The following SETD3 variants were observed in gnomAD, a reference collection of about 807,000 sequenced individuals.
SETD3 encodes the protein actin-histidine N-methyltransferase.
Under a neutral mutation model 63.0 loss-of-function variants are expected in SETD3, and 19 were observed. The ratio of observed to expected loss-of-function variants is 0.30; its 90% CI spans 0.21 to 0.44. The LOEUF (loss-of-function observed/expected upper bound fraction) is 0.44, where lower values mean the gene tolerates loss of function less well. SETD3 is among the 20% of genes least tolerant of loss of function. The pLI is 1.00. For missense variants in SETD3, 587 were observed against 728.5 expected (o/e 0.81, Z 2.24); for synonymous variants, 286 against 264.1 (o/e 1.08, Z -0.80).
At chr14:99,424,934 A>G (rs1374095970) in intron 6 of SETD3, among the ~76,000 whole-genome samples, 2 of 152,046 alleles carry the variant, frequency 1.3e-5, no homozygotes, top group Non-Finnish European at 1.5e-5. Context: ...ACTAACTGTT[A>G]TGGCACCTGG....
intron 1 of SETD3, among the ~76,000 whole-genome samples, chr14:99,467,729 T>TGAG (rs1895467636): frequency 6.6e-6 from 1 of 152,300 alleles, no homozygotes; most frequent in Admixed American, 6.5e-5. Context: ...GTCACTTTGA[T>TGAG]GAGGAGCTCC....
At chr14:99,483,633 G>A (rs1896411343), upstream of SETD3, among the ~76,000 whole-genome samples, 3 of 152,312 alleles carry the variant, frequency 2.0e-5, no homozygotes, top group South Asian at 6.2e-4. Context: ...TTGGACATAA[G>A]TTCATTTAAG....
upstream of SETD3, among the ~76,000 whole-genome samples, chr14:99,482,979 A>G (rs1041218611): frequency 6.6e-6 from 1 of 152,246 alleles, no homozygotes; most frequent in Non-Finnish European, 1.5e-5. Context: ...CAGAGTGATC[A>G]TATTTTTAAG....
intron 6 of SETD3, among the ~76,000 whole-genome samples, chr14:99,451,948 G>A (rs1475635132): frequency 6.6e-6 from 1 of 152,150 alleles, no homozygotes; most frequent in Non-Finnish European, 1.5e-5. Context: ...TCAAGAAGAA[G>A]ATATTTGACA....
At chr14:99,400,853 T>C (rs1342020103) in intron 11 of SETD3, among the ~76,000 whole-genome samples, 1 of 152,106 alleles carries the variant, frequency 6.6e-6, no homozygotes, top group East Asian at 1.9e-4. Context: ...AAATCTTAGT[T>C]AATGGGCCGG....
chr14:99,411,728 AAAAC>A (rs1309390467), intron 8 of SETD3: 2 of 152,384 alleles, frequency 1.3e-5, no homozygotes, highest in South Asian at 2.1e-4. Flanking sequence ...ACTCTGAAGA[AAAAC>A]AAAACAAAAA....
Position 99,398,675 on chromosome 14 carries a change from C to A in SETD3, c.*4G>T. The A allele has an allele frequency of 6.2e-7, 1 of 1,610,550 alleles. No homozygotes were observed. Among genetic ancestry groups the A allele is most frequent in the Non-Finnish European group, 8.5e-7 (1 of 1,177,228 alleles). ...CTGGATCCCCCATCCAGCTTCACCT[C>A]GAGCTACTCCTTAACTCCAGCAGTG... On this transcript the variant is annotated 3_prime_UTR_variant, in exon 13 of 13. Coordinates refer to ENST00000331768, the MANE Select transcript of SETD3 (RefSeq NM_032233.3).
chr14:99,439,073 A>T (rs1228897865), intron 6 of SETD3, among the ~76,000 whole-genome samples: 1 of 152,202 alleles, frequency 6.6e-6, no homozygotes, highest in Non-Finnish European at 1.5e-5. Context: ...GTATCACACA[A>T]AGAGAACTGC....
chr14:99,451,497 T>C (rs1894459072), intron 6 of SETD3, among the ~76,000 whole-genome samples: 1 of 152,076 alleles, frequency 6.6e-6, no homozygotes, highest in Non-Finnish European at 1.5e-5. Flanking sequence ...GTATCTTTTT[T>C]CTTTTTTTCT....
chr14:99,404,344 G>T, intron 10 of SETD3, 34 bp from the exon 11 acceptor site: 1 of 1,594,060 alleles, frequency 6.3e-7, no homozygotes, highest in Non-Finnish European at 8.6e-7. Flanking sequence ...CAGTCACCCT[G>T]CTGCGGTTAC....
Position 99,400,247 on chromosome 14 carries a change from T to C in SETD3, c.1190A>G (p.Glu397Gly). 6.2e-7 allele frequency: 1 copy of C among 1,610,450 alleles called. No homozygotes were observed. Among genetic ancestry groups the C allele is most frequent in the South Asian group, 1.1e-5 (1 of 90,064 alleles). The change falls in exon 12 of 13, where the codon GAA becomes GGA. Residue 397 changes from glutamate to glycine, a missense_variant. Transcript: ENST00000331768. ...AATAGCGCTGTCTCCCAGCAAGTGT[T>C]CTTTCAGTTCTTCTACAAGAAATAC... is the stretch of plus-strand genomic sequence containing the variant. Reference protein sequence around the residue: ...VFCMTEEELKEHLLGDSAIDR... With the variant: ...VFCMTEEELKGHLLGDSAIDR...
upstream of SETD3, chr14:99,481,669 G>C (rs930567057): frequency 2.6e-6 from 1 of 390,172 alleles, no homozygotes; most frequent in Non-Finnish European, 4.5e-6. Flanking sequence ...GTGTAGAGAG[G>C]GTCTGAGGCG....
chr14:99,486,335 A>G, the SETD3 span, among the ~76,000 whole-genome samples: 2 of 152,106 alleles, frequency 1.3e-5, no homozygotes, highest in Admixed American at 6.5e-5. Context: ...AGTCTGTTTT[A>G]CCTTCCTGTC....
Position 99,452,357 on chromosome 14 carries a change from G to A in SETD3, c.675+5922C>T, listed in dbSNP as rs142074630. Among the ~76,000 whole-genome samples, 31 of 152,206 alleles carry A rather than the reference G, an allele frequency of 2.0e-4. No homozygotes were observed. The East Asian group carries it at 4.7e-3, about 23-fold the overall frequency. On this transcript the variant is annotated intron_variant, in intron 6 of 12. Coordinates refer to ENST00000331768, the MANE Select transcript of SETD3 (RefSeq NM_032233.3). ...CTTGACCTCGTGATCTGCCTGCCTC[G>A]GCCTCCCGGAGTGTTGGGATTACAG...
chr14:99,448,539 C>T lies in SETD3; in HGVS notation c.675+9740G>A, dbSNP rs553186270. ...CCTGAAAACAGACATCATTCTTTCC[C>T]TTCTATGCCCCATAATATCTACCCA... On this transcript the variant is annotated intron_variant, in intron 6 of 12. Transcript: ENST00000331768. 2.6e-5 allele frequency among the ~76,000 whole-genome samples: 4 copies of T among 152,298 alleles called. No homozygotes were observed. In the South Asian group the frequency reaches 8.3e-4, roughly 32 times the overall value.
rs772541655 is a variant in SETD3, at chr14:99,459,093, G to C, written c.418+20C>G. On this transcript the variant is annotated intron_variant, in intron 5 of 12. Coordinates refer to ENST00000331768, the MANE Select transcript of SETD3 (RefSeq NM_032233.3). ...TTTGTCATTTGTGCTTTGCCTTGAA[G>C]AGTCAGAAATTATTCTCACCCAACA... The C allele has an allele frequency of 6.3e-7, 1 of 1,586,214 alleles. No homozygotes were observed. Among genetic ancestry groups the C allele is most frequent in the South Asian group, 1.1e-5 (1 of 88,434 alleles).
chr14:99,418,234 A>G (rs1892384075), intron 6 of SETD3, among the ~76,000 whole-genome samples: 1 of 152,186 alleles, frequency 6.6e-6, no homozygotes, highest in Admixed American at 6.5e-5. Flanking sequence ...TATAATTTAG[A>G]AGTTGCACCT....
the SETD3 span, among the ~76,000 whole-genome samples, chr14:99,486,169 G>A: frequency 3.9e-5 from 6 of 152,190 alleles, no homozygotes; most frequent in East Asian, 7.7e-4. Context: ...TTTAGCATTT[G>A]TCACTGTTGA....
intron 6 of SETD3, among the ~76,000 whole-genome samples, chr14:99,426,305 C>CA (rs1892879967): frequency 6.6e-6 from 1 of 152,220 alleles, no homozygotes; most frequent in Non-Finnish European, 1.5e-5. Context: ...TTCATTCATT[C>CA]ACTCATTCAA....
Sources: allele counts gnomAD v4.1 joint callset (sites outside exome capture counted in the v4.1 genomes callset), GRCh38; gene constraint gnomAD v4.1.1; transcripts MANE v1.5; gene names NCBI Gene and HGNC (gene_info 2026-07-23, HGNC 2026-07-21).